The following NYAP2 variants were observed in gnomAD, a reference collection of about 807,000 sequenced individuals.
The protein encoded by NYAP2 is neuronal tyrosine-phosphorylated phosphoinositide-3-kinase adapter 2.
NYAP2 carries 23 observed loss-of-function variants against 50.4 expected under a neutral mutation model. The ratio of observed to expected loss-of-function variants is 0.46; its 90% CI spans 0.33 to 0.65. NYAP2 has a LOEUF of 0.65. NYAP2 is among the 30% of genes least tolerant of loss of function. The pLI is 0.02. For synonymous variants in NYAP2, 394 were observed against 365.2 expected, an observed-to-expected ratio of 1.08 and a Z score of -0.90; for missense variants, 885 against 861.0, an observed-to-expected ratio of 1.03 and a Z score of -0.35.
chr2:225,546,255 G>A (rs573299267), intron 4 of NYAP2, among the ~76,000 whole-genome samples: 17 of 152,262 alleles, frequency 1.1e-4, no homozygotes, highest in African/African-American at 2.2e-4. Context: ...CCATGTTTGC[G>A]TCCTTCCCTT....
chr2:225,442,652 T>C (rs959278417), intron 3 of NYAP2, among the ~76,000 whole-genome samples: 1 of 152,186 alleles, frequency 6.6e-6, no homozygotes, highest in Non-Finnish European at 1.5e-5. Context: ...CTCGGCTCAC[T>C]GCATCCTCTG....
chr2:225,678,568 C>T, the NYAP2 span, among the ~76,000 whole-genome samples: 1 of 152,068 alleles, frequency 6.6e-6, no homozygotes, highest in East Asian at 1.9e-4. Flanking sequence ...TTCTTTCAGT[C>T]CTTTTTCTAA....
intron 5 of NYAP2, among the ~76,000 whole-genome samples, chr2:225,589,612 T>C (rs1031527962): frequency 1.3e-5 from 2 of 148,538 alleles, no homozygotes; most frequent in Admixed American, 1.4e-4. Context: ...GGAGGATCAG[T>C]TGAGTCTGGG....
intron 3 of NYAP2, among the ~76,000 whole-genome samples, chr2:225,469,491 C>G (rs1311140869): frequency 6.6e-6 from 1 of 152,080 alleles, no homozygotes; most frequent in African/African-American, 2.4e-5. Context: ...CCCAGCAATC[C>G]CATTACTGGG....
the NYAP2 span, chr2:225,698,304 T>C: frequency 1.2e-3 from 178 of 152,492 alleles, no homozygotes; most frequent in Non-Finnish European, 5.3e-4. Flanking sequence ...ATTCACTCTT[T>C]CTTTTTTGCT....
intron 4 of NYAP2, among the ~76,000 whole-genome samples, chr2:225,561,029 G>C (rs1691862813): frequency 1.3e-5 from 2 of 151,240 alleles, no homozygotes; most frequent in Non-Finnish European, 1.5e-5. Flanking sequence ...CAGGCCTGGA[G>C]CATGCAGCCA....
chr2:225,546,080 T>A (rs1244811190), intron 4 of NYAP2, among the ~76,000 whole-genome samples: 1 of 152,080 alleles, frequency 6.6e-6, no homozygotes, highest in Non-Finnish European at 1.5e-5. Context: ...GGGTATGGGG[T>A]GACACAAACA....
intron 5 of NYAP2, among the ~76,000 whole-genome samples, chr2:225,591,298 A>G (rs954686791): frequency 6.6e-6 from 1 of 152,176 alleles, no homozygotes; most frequent in Non-Finnish European, 1.5e-5. Context: ...CTGGGGCTCT[A>G]GCGTTGATGA....
intron 3 of NYAP2, among the ~76,000 whole-genome samples, chr2:225,437,973 CTCTCTCTT>C (rs1689409888): frequency 6.6e-6 from 1 of 152,208 alleles, no homozygotes; most frequent in South Asian, 2.1e-4. Context: ...TGATCTCTCT[CTCTCTCTT>C]TCTCTCTTTC....
intron 4 of NYAP2, among the ~76,000 whole-genome samples, chr2:225,517,850 G>A (rs1395939885): frequency 6.6e-6 from 1 of 152,112 alleles, no homozygotes; most frequent in Non-Finnish European, 1.5e-5. Flanking sequence ...GCACTAGAGA[G>A]GATGTGGGGA....
chr2:225,577,622 A>C (rs902085551), intron 4 of NYAP2, among the ~76,000 whole-genome samples: 4 of 152,140 alleles, frequency 2.6e-5, no homozygotes, highest in Admixed American at 2.6e-4. Context: ...TTATTTACTC[A>C]ATACTTGCAC....
intron 5 of NYAP2, among the ~76,000 whole-genome samples, chr2:225,589,644 A>G (rs1018175053): frequency 1.3e-5 from 2 of 151,018 alleles, no homozygotes; most frequent in East Asian, 1.9e-4. Flanking sequence ...GCAGCGAACT[A>G]TAATCACACC....
chr2:225,416,437 T>C (rs1261882398), intron 3 of NYAP2, among the ~76,000 whole-genome samples: 1 of 152,146 alleles, frequency 6.6e-6, no homozygotes, highest in Non-Finnish European at 1.5e-5. Context: ...GGAGTCCCCT[T>C]ATACAGGTCA....
exon 4 of NYAP2, chr2:225,513,644 G>A: frequency 6.6e-7 from 1 of 1,521,630 alleles, no homozygotes; most frequent in South Asian, 1.3e-5. Flanking sequence ...CAGCCAGTAA[G>A]AGCGGGAAAA....
At chr2:225,511,570 A>G (rs1294964623) in intron 3 of NYAP2, among the ~76,000 whole-genome samples, 2 of 152,144 alleles carry the variant, frequency 1.3e-5, no homozygotes, top group African/African-American at 4.8e-5. Flanking sequence ...GTGTCTGAGT[A>G]TCAGTTGAAA....
intron 3 of NYAP2, among the ~76,000 whole-genome samples, chr2:225,414,476 C>A (rs920082883): frequency 6.6e-6 from 1 of 152,134 alleles, no homozygotes; most frequent in African/African-American, 2.4e-5. Flanking sequence ...TAGCTTCACA[C>A]AAATGAGTTC....
chr2:225,536,454 G>A (rs1181140070), intron 4 of NYAP2, among the ~76,000 whole-genome samples: 1 of 152,184 alleles, frequency 6.6e-6, no homozygotes, highest in Non-Finnish European at 1.5e-5. Context: ...CATTATGGAA[G>A]GGAGCACACA....
At chr2:225,644,470 C>T (rs1378526420) in intron 6 of NYAP2, among the ~76,000 whole-genome samples, 1 of 151,078 alleles carries the variant, frequency 6.6e-6, no homozygotes, top group South Asian at 2.1e-4. Flanking sequence ...TCAATTTTGA[C>T]TTTTGTTGCC....
chr2:225,677,826 T>C, the NYAP2 span, among the ~76,000 whole-genome samples: 1 of 152,182 alleles, frequency 6.6e-6, no homozygotes, highest in Non-Finnish European at 1.5e-5. Flanking sequence ...TAGTATTTTG[T>C]AGCGGTTCTT....
Sources: gnomAD v4.1 joint callset for allele counts (sites outside exome capture counted in the v4.1 genomes callset) on GRCh38, gnomAD v4.1.1 for gene constraint, MANE v1.5 for transcripts, NCBI Gene and HGNC (gene_info 2026-07-23, HGNC 2026-07-21) for gene names.